POTEE: variants seen among roughly 807,000 people sequenced by gnomAD.
POTEE encodes POTE ankyrin domain family member E.
Under a neutral mutation model 74.2 loss-of-function variants are expected in POTEE, and 21 were observed. The ratio of observed to expected loss-of-function variants is 0.28; its 90% CI spans 0.20 to 0.41. POTEE has a LOEUF of 0.41. Ranked by LOEUF, POTEE falls within the 10% of genes least tolerant of loss-of-function variation. The pLI is 1.00. For missense variants in POTEE, 525 were observed against 1,158.6 expected (o/e 0.45, Z 7.94); for synonymous variants, 211 against 432.8 (o/e 0.49, Z 6.36).
Position 131,231,026 on chromosome 2 carries a change from A to T in POTEE, c.1126+120A>T. The T allele has an allele frequency of 7.6e-6, 6 of 789,980 alleles. No homozygotes were observed. In the East Asian group the frequency reaches 1.6e-4, roughly 21 times the overall value. The allele number at this position is 789,980 out of a possible 1,614,324, so 48.9% of individuals were successfully genotyped here. On this transcript the variant is annotated intron_variant, in intron 9 of 17. Transcript: ENST00000683005. ...GGGGGAGGGTGGGGATGGTTTCAGG[A>T]TTATTCAATCATGTTACATTTATTG...
Position 131,225,567 on chromosome 2 carries a change from C to CT in POTEE, c.811-1239dup, listed in dbSNP as rs376693812. On this transcript the variant is annotated intron_variant, in intron 6 of 17. Transcript: ENST00000683005. ...AATCTTTCCAATAACATTAATCTGA[C>CT]TTTTTTTTTTTTTTTTTGAGATGGG... Among the ~76,000 whole-genome samples, 293 of 120,188 alleles carry CT rather than the reference C, an allele frequency of 2.4e-3. 5 individuals carry two copies. Among genetic ancestry groups the CT allele is most frequent in the African/African-American group, 7.6e-3 (256 of 33,564 alleles). 78.8% of individuals were successfully genotyped at this position (120,188 alleles called of 152,430 possible).
intron 4 of POTEE, among the ~76,000 whole-genome samples, chr2:131,219,609 C>T (rs1275538292): frequency 8.5e-5 from 13 of 152,056 alleles, no homozygotes; most frequent in African/African-American, 1.2e-4. Context: ...CGGTCGTAGA[C>T]GCCTGTAGTC....
chr2:131,231,440 TG>T (rs1465929501), intron 9 of POTEE, among the ~76,000 whole-genome samples: 8 of 152,040 alleles, frequency 5.3e-5, no homozygotes, highest in Non-Finnish European at 1.2e-4. Flanking sequence ...TATGAGTCTG[TG>T]GCCTGGGAGT....
At chr2:131,210,333 T>G (rs1379475310) in intron 1 of POTEE, among the ~76,000 whole-genome samples, 6 of 73,272 alleles carry the variant, frequency 8.2e-5, no homozygotes, top group East Asian at 4.7e-4. Flanking sequence ...GAAGGGGTGG[T>G]TGGGGGGGGG....
chr2:131,210,581 G>A lies in POTEE; in HGVS notation c.-344-447G>A, dbSNP rs182611728. Among the ~76,000 whole-genome samples the A allele has an allele frequency of 2.1e-3, 327 of 152,104 alleles. 3 individuals are homozygous for A. The East Asian group carries it at 0.048, about 22-fold the overall frequency. ...CTCGTGCAATCTTGAGCAGGGCAGG[G>A]CCCCCACACCCACTGCGGTTCTCCG... On this transcript the variant is annotated intron_variant, in intron 1 of 17. Transcript: ENST00000683005.
Position 131,228,388 on chromosome 2 carries a change from G to A in POTEE, c.1055+7G>A. 6.2e-7 allele frequency: 1 copy of A among 1,609,090 alleles called. No individual in the cohort carries two copies. Among genetic ancestry groups the A allele is most frequent in the Non-Finnish European group, 8.5e-7 (1 of 1,178,914 alleles). On this transcript the variant is annotated splice_region_variant and intron_variant, in intron 8 of 17. Coordinates refer to ENST00000683005, the MANE Select transcript of POTEE (RefSeq NM_001083538.3). The stretch of plus-strand genomic sequence containing the variant: ...TTTCTAGTCATCATCATGTGTAAGT[G>A]TTTACATTAAAAGGCTAGTTAATGC...
intron 16 of POTEE, among the ~76,000 whole-genome samples, chr2:131,258,566 T>G (rs1486147813): frequency 2.0e-5 from 3 of 152,094 alleles, no homozygotes; most frequent in African/African-American, 4.8e-5. Flanking sequence ...AGTGATATTG[T>G]TATACATTTT....
chr2:131,229,656 G>C lies in POTEE; in HGVS notation c.1056-1180G>C, dbSNP rs1338120641. The stretch of plus-strand genomic sequence containing the variant: ...CTAAAATTGGAACAATACGGGGAAA[G>C]TTAGCATGGCTTCTGCATAAGGAGG... On this transcript the variant is annotated intron_variant, in intron 8 of 17. Coordinates refer to ENST00000683005, the MANE Select transcript of POTEE (RefSeq NM_001083538.3). 8 of 152,320 alleles carry C rather than the reference G, an allele frequency of 5.3e-5. No individual in the cohort carries two copies. In the East Asian group the frequency reaches 9.7e-4, roughly 18 times the overall value. The allele number at this position is 152,320 out of a possible 1,614,324, so 9.4% of individuals were successfully genotyped here.
rs1337176450 is a variant in POTEE at position 131,236,753 on chromosome 2, CAG to C, written c.1151_1152del (p.Glu384GlyfsTer10). 1 of 278,770 alleles carries C rather than the reference CAG, an allele frequency of 3.6e-6. No individual in the cohort carries two copies. Among genetic ancestry groups the C allele is most frequent in the African/African-American group, 4.7e-5 (1 of 21,402 alleles). 17.3% of individuals were successfully genotyped at this position (278,770 alleles called of 1,614,324 possible). ...ACAGAACAAGAGTTAAAGCTGACAT[CAG>C]AGGAAGAGTCACAAAGGTTCAAAGG... On this transcript the variant is annotated frameshift_variant, in exon 10 of 18. Transcript: ENST00000683005. LOFTEE classifies it high-confidence loss of function.
rs556194575 is a variant in POTEE at position 131,233,930 on chromosome 2, C to T, written c.1127-2802C>T. The stretch of plus-strand genomic sequence containing the variant: ...TACAGAAGAGCAAAGAGCAGCAGGT[C>T]AGCAGGAATGACTAATGTTTTTCTA... On this transcript the variant is annotated intron_variant, in intron 9 of 17. Transcript: ENST00000683005. Among the ~76,000 whole-genome samples, 34 of 151,086 alleles carry T rather than the reference C, an allele frequency of 2.3e-4. No individual in the cohort carries two copies. In the East Asian group the frequency reaches 6.4e-3, roughly 28 times the overall value.
intron 10 of POTEE, among the ~76,000 whole-genome samples, chr2:131,237,768 A>T (rs1345994300): frequency 1.3e-5 from 2 of 152,276 alleles, no homozygotes; most frequent in East Asian, 1.9e-4. Context: ...GTAGGGGCTC[A>T]CTAGTTAGGG....
At chr2:131,233,669 T>G (rs1386918028) in intron 9 of POTEE, among the ~76,000 whole-genome samples, 2 of 149,122 alleles carry the variant, frequency 1.3e-5, no homozygotes, top group African/African-American at 5.0e-5. Flanking sequence ...AGAAATAACA[T>G]TAATAGTTGG....
chr2:131,216,155 A>G (rs536524907), intron 2 of POTEE, among the ~76,000 whole-genome samples: 2,560 of 151,798 alleles, frequency 0.017, 51 homozygotes, highest in African/African-American at 0.059. Flanking sequence ...AACGATTTGT[A>G]TACTGAAAAT....
chr2:131,215,931 G>A (rs1050545815), intron 2 of POTEE, among the ~76,000 whole-genome samples: 22 of 147,988 alleles, frequency 1.5e-4, no homozygotes, highest in African/African-American at 5.3e-4. Flanking sequence ...GGAAGGGAAG[G>A]GGTGAGATTG....
In POTEE at chr2:131,264,137, C is replaced by T. The variant is rs373327651; in HGVS notation, c.2682C>T (p.Thr894=). The T allele has an allele frequency of 1.1e-4, 176 of 1,614,232 alleles. No homozygotes were observed. The highest frequency in any genetic ancestry group is 6.4e-4 in the African/African-American group (48 of 75,070). ...ELPDYLMKIL[T]ERGYRFTTMA... ...CTGACTACCTCATGAAGATCCTCAC[C>T]GAGCGTGGCTATAGGTTCACCACCA... Residue 894 remains threonine, a synonymous_variant, in exon 18 of 18, where the codon ACC becomes ACT. Coordinates refer to ENST00000683005, the MANE Select transcript of POTEE (RefSeq NM_001083538.3).
intron 9 of POTEE, among the ~76,000 whole-genome samples, chr2:131,233,644 A>T (rs1701035653): frequency 7.0e-6 from 1 of 142,894 alleles, no homozygotes. Context: ...TGTTTTGCTT[A>T]ATTTTTTTCA....
At chr2:131,219,686 G>A (rs1001310071) in intron 4 of POTEE, among the ~76,000 whole-genome samples, 9 of 151,896 alleles carry the variant, frequency 5.9e-5, no homozygotes, top group African/African-American at 1.9e-4. Context: ...GCAGTGAGCA[G>A]AGATAGTGCC....
chr2:131,217,584 A>G lies in POTEE; in HGVS notation c.-188-5A>G, dbSNP rs1224610732. 1.4e-5 allele frequency among the ~76,000 whole-genome samples: 2 copies of G among 140,574 alleles called. No individual in the cohort carries two copies. Among genetic ancestry groups the G allele is most frequent in the African/African-American group, 5.3e-5 (2 of 37,646 alleles). 92.2% of individuals were successfully genotyped at this position (140,574 alleles called of 152,430 possible). ...CCTTTAAGAGGCTTTTTTTTTTTTC[A>G]CCAGAGGCTTCTCAGTGGCTTGAAA... On this transcript the variant is annotated splice_polypyrimidine_tract_variant and splice_region_variant and intron_variant, in intron 2 of 17. Transcript: ENST00000683005.
chr2:131,213,720 CT>C (rs1264539398), intron 2 of POTEE, among the ~76,000 whole-genome samples: 1 of 145,678 alleles, frequency 6.9e-6, no homozygotes, highest in Non-Finnish European at 1.5e-5. Context: ...TCACAGCTCC[CT>C]TTAAGATTCA....
Sources: allele counts gnomAD v4.1 joint callset (sites outside exome capture counted in the v4.1 genomes callset), GRCh38; gene constraint gnomAD v4.1.1; transcripts MANE v1.5; gene names NCBI Gene and HGNC (gene_info 2026-07-23, HGNC 2026-07-21).